GMDS: variants seen among roughly 807,000 people sequenced by gnomAD.
GMDS encodes the protein GDP-mannose 4,6-dehydratase, also known as GDP-mannose 4,6 dehydratase.
In GMDS, 20 loss-of-function variants were observed where a neutral mutation model predicts 49.9. The observed-to-expected ratio is 0.40, with a 90% CI of 0.28 to 0.58. The LOEUF is 0.58. Among genes scored for constraint, GMDS ranks in the 20% least tolerant of loss-of-function variants. The pLI, the probability that GMDS is intolerant of heterozygous loss-of-function variation, is 0.42. For synonymous variants in GMDS, 177 were observed against 178.6 expected, an observed-to-expected ratio of 0.99 and a Z score of 0.07; for missense variants, 362 against 481.4, an observed-to-expected ratio of 0.75 and a Z score of 2.32.
At chr6:2,121,182 G>A (rs1276504291) in intron 2 of GMDS, among the ~76,000 whole-genome samples, 1 of 152,192 alleles carries the variant, frequency 6.6e-6, no homozygotes, top group East Asian at 1.9e-4. Context: ...GCCACAGCGA[G>A]CTAACCACTT....
intron 1 of GMDS, among the ~76,000 whole-genome samples, chr6:2,223,160 T>C (rs185722085): frequency 0.026 from 4,015 of 151,744 alleles, 62 homozygotes; most frequent in Middle Eastern, 0.058. Flanking sequence ...TATATATATA[T>C]ACACACATAT....
At chr6:1,736,777 A>G (rs1767014914) in intron 8 of GMDS, among the ~76,000 whole-genome samples, 1 of 152,210 alleles carries the variant, frequency 6.6e-6, no homozygotes, top group Non-Finnish European at 1.5e-5. Context: ...CCCTACATAG[A>G]ACCCTTAGAA....
rs1781836433 is a variant in GMDS at position 2,245,602 on chromosome 6, G to T, written c.-180C>A. On this transcript the variant is annotated 5_prime_UTR_variant, in exon 1 of 11. Transcript: ENST00000380815. ...CAGGGGCGCACGGGAGGCCGTGCAG[G>T]GAGGGCCGGGGGCGGGCCGAGCCGG... is the stretch of plus-strand genomic sequence containing the variant. The T allele has an allele frequency of 8.1e-6, 3 of 372,316 alleles. No homozygotes were observed. Among genetic ancestry groups the T allele is most frequent in the Non-Finnish European group, 1.4e-5 (3 of 211,504 alleles). The allele number at this position is 372,316 out of a possible 1,614,324, so 23.1% of individuals were successfully genotyped here. A position where few individuals can be genotyped will look rare whatever the true frequency, so the allele number is the denominator to read the frequency against.
intron 6 of GMDS, among the ~76,000 whole-genome samples, chr6:1,940,619 A>G (rs1762777658): frequency 1.3e-5 from 2 of 152,250 alleles, no homozygotes; most frequent in South Asian, 4.1e-4. Context: ...GCAGGTACTC[A>G]AAATCCAATA....
chr6:2,049,229 T>G (rs971427795), intron 4 of GMDS, among the ~76,000 whole-genome samples: 1 of 152,246 alleles, frequency 6.6e-6, no homozygotes, highest in African/African-American at 2.4e-5. Context: ...ATTATTCCAG[T>G]AATTTATCTA....
chr6:2,069,575 AAAAC>A (rs1305547270), intron 4 of GMDS, among the ~76,000 whole-genome samples: 1 of 152,170 alleles, frequency 6.6e-6, no homozygotes, highest in African/African-American at 2.4e-5. Context: ...TTACAAGAAA[AAAAC>A]AAACAATCCC....
chr6:2,060,747 G>C (rs892534843), intron 4 of GMDS, among the ~76,000 whole-genome samples: 1 of 152,110 alleles, frequency 6.6e-6, no homozygotes, highest in Non-Finnish European at 1.5e-5. Flanking sequence ...AGAAAGAAGG[G>C]GGCCGGGCGC....
At chr6:1,683,374 C>T (rs1386005865) in intron 9 of GMDS, among the ~76,000 whole-genome samples, 1 of 152,206 alleles carries the variant, frequency 6.6e-6, no homozygotes, top group East Asian at 1.9e-4. Context: ...TTGTCCGCCT[C>T]GGCCTCCCAA....
At chr6:1,712,159 G>T (rs1765995490) in intron 9 of GMDS, among the ~76,000 whole-genome samples, 1 of 152,230 alleles carries the variant, frequency 6.6e-6, no homozygotes, top group African/African-American at 2.4e-5. Flanking sequence ...TACAGAAGAT[G>T]CTGGAAAATT....
chr6:1,739,442 GTTC>G (rs138634842), intron 8 of GMDS, among the ~76,000 whole-genome samples: 262 of 152,298 alleles, frequency 1.7e-3, no homozygotes, highest in African/African-American at 5.8e-3. Context: ...ACATCCTGCC[GTTC>G]TTCTGCAATA....
intron 4 of GMDS, among the ~76,000 whole-genome samples, chr6:2,105,992 C>T (rs968760635): frequency 3.3e-5 from 5 of 152,144 alleles, no homozygotes; most frequent in African/African-American, 9.7e-5. Flanking sequence ...AAACTGTTAA[C>T]GGAGCTGTAA....
At chr6:2,121,029 G>T (rs1775109365) in intron 2 of GMDS, among the ~76,000 whole-genome samples, 1 of 152,158 alleles carries the variant, frequency 6.6e-6, no homozygotes, top group African/African-American at 2.4e-5. Flanking sequence ...CACCTTGGGA[G>T]ATAGGTGTGC....
At chr6:1,879,103 C>G (rs527273569) in intron 7 of GMDS, among the ~76,000 whole-genome samples, 1 of 151,692 alleles carries the variant, frequency 6.6e-6, no homozygotes, top group Non-Finnish European at 1.5e-5. Context: ...TACAAAGTTG[C>G]GATAAAGATT....
intron 7 of GMDS, among the ~76,000 whole-genome samples, chr6:1,909,397 A>G (rs937076406): frequency 2.6e-5 from 4 of 152,232 alleles, no homozygotes; most frequent in Non-Finnish European, 5.9e-5. Context: ...AAGACCCAAA[A>G]GTATAGACTA....
At chr6:1,680,185 T>C (rs755029600) in intron 9 of GMDS, among the ~76,000 whole-genome samples, 51 of 152,222 alleles carry the variant, frequency 3.4e-4, no homozygotes, top group Non-Finnish European at 6.8e-4. Context: ...GGCATCCAGA[T>C]ATTCAAAGAC....
intron 6 of GMDS, among the ~76,000 whole-genome samples, chr6:1,938,015 A>AAG (rs1320218359): frequency 1.4e-5 from 2 of 147,386 alleles, no homozygotes; most frequent in Non-Finnish European, 1.5e-5. Flanking sequence ...AATTTAAAAG[A>AAG]AAAAAAAAGG....
chr6:1,739,656 G>A (rs959255743), intron 8 of GMDS, among the ~76,000 whole-genome samples: 10 of 152,232 alleles, frequency 6.6e-5, no homozygotes, highest in African/African-American at 2.2e-4. Context: ...ATTTTTCTAG[G>A]TGGATTGTTC....
At chr6:2,197,691 C>G (rs1295684511) in intron 1 of GMDS, among the ~76,000 whole-genome samples, 1 of 152,192 alleles carries the variant, frequency 6.6e-6, no homozygotes, top group East Asian at 1.9e-4. Context: ...CCCTGAAACA[C>G]TTTAACAGGA....
At chr6:2,004,970 A>G (rs1767063559) in intron 4 of GMDS, among the ~76,000 whole-genome samples, 1 of 152,218 alleles carries the variant, frequency 6.6e-6, no homozygotes, top group South Asian at 2.1e-4. Flanking sequence ...CCACAGATTT[A>G]ATAACCAGAT....
Sources: gnomAD v4.1 joint callset for allele counts (sites outside exome capture counted in the v4.1 genomes callset) on GRCh38, gnomAD v4.1.1 for gene constraint, MANE v1.5 for transcripts, NCBI Gene and HGNC (gene_info 2026-07-23, HGNC 2026-07-21) for gene names.